Variants in PXDNL observed in about 807,000 individuals in gnomAD.
PXDNL encodes the protein probable oxidoreductase PXDNL.
In PXDNL, 145 loss-of-function variants were observed where a neutral mutation model predicts 150.8. The ratio of observed to expected loss-of-function variants is 0.96; its 90% CI spans 0.84 to 1.10. PXDNL has a LOEUF of 1.10. Ranked by LOEUF, PXDNL falls within the 50% of genes least tolerant of loss-of-function variation. The pLI is 0.00. For synonymous variants in PXDNL, 757 were observed against 725.7 expected (o/e 1.04, Z -0.69); for missense variants, 2,087 against 1,873.9 (o/e 1.11, Z -2.10).
intron 3 of PXDNL, among the ~76,000 whole-genome samples, chr8:51,581,436 G>C (rs935078026): frequency 5.3e-5 from 8 of 152,036 alleles, no homozygotes; most frequent in African/African-American, 1.9e-4. Flanking sequence ...TTGCAGTGCA[G>C]TGAGCTGAGA....
Position 51,411,398 on chromosome 8 carries a change from G to A in PXDNL, c.1914C>T (p.His638=), listed in dbSNP as rs369561216. 25 of 1,571,252 alleles carry A rather than the reference G, an allele frequency of 1.6e-5. No homozygotes were observed. Among genetic ancestry groups the A allele is most frequent in the Non-Finnish European group, 1.9e-5 (22 of 1,165,268 alleles). The change falls in exon 16 of 23, where the codon CAC becomes CAT. Residue 638 remains histidine (H), a synonymous_variant. Transcript: ENST00000356297. The part of the protein sequence containing the change: ...TRRHLFSQKP[H]TSSDLLAQFH... The stretch of plus-strand genomic sequence containing the variant: ...ATTGAGCCAGCAGGTCACTGGAGGT[G>A]TGAGGTTTTCTGCAAATGACAAAAC...
chr8:51,414,876 T>C (rs1409011580), intron 14 of PXDNL, among the ~76,000 whole-genome samples: 3 of 152,170 alleles, frequency 2.0e-5, no homozygotes, highest in African/African-American at 7.2e-5. Context: ...TCAAAATCAC[T>C]TGTAACCTCA....
intron 1 of PXDNL, among the ~76,000 whole-genome samples, chr8:51,691,555 C>G (rs544198523): frequency 2.1e-3 from 313 of 150,812 alleles, no homozygotes; most frequent in Non-Finnish European, 3.8e-3. Context: ...GTAAGTTTGA[C>G]TTAAGAAAGT....
chr8:51,349,528 T>C (rs772714524), intron 19 of PXDNL, among the ~76,000 whole-genome samples: 2 of 152,218 alleles, frequency 1.3e-5, no homozygotes, highest in African/African-American at 2.4e-5. Context: ...CCTCACATTC[T>C]CTGAGAAGAG....
rs200318814 is a variant in PXDNL at position 51,418,028 on chromosome 8, A to G, written c.1796-4770T>C. Among the ~76,000 whole-genome samples, 7 of 152,322 alleles carry G rather than the reference A, an allele frequency of 4.6e-5. No homozygotes were observed. In the East Asian group the frequency reaches 1.3e-3, roughly 29 times the overall value. On this transcript the variant is annotated intron_variant, in intron 14 of 22. Coordinates refer to ENST00000356297, the MANE Select transcript of PXDNL (RefSeq NM_144651.5). ...ACACTACAACACCAAAAATCTGGAA[A>G]TGCTACTTACACATATTAAAATGTA... is the stretch of plus-strand genomic sequence containing the variant.
intron 4 of PXDNL, among the ~76,000 whole-genome samples, chr8:51,501,243 C>T (rs1439082952): frequency 6.6e-6 from 1 of 152,130 alleles, no homozygotes; most frequent in Non-Finnish European, 1.5e-5. Context: ...CATGAAACAA[C>T]TTTACCTTGG....
chr8:51,382,295 C>T (rs530820181), intron 17 of PXDNL, among the ~76,000 whole-genome samples: 2 of 142,360 alleles, frequency 1.4e-5, no homozygotes, highest in Admixed American at 6.8e-5. Context: ...AGGATTCTCT[C>T]CTCCAAGGTC....
intron 4 of PXDNL, among the ~76,000 whole-genome samples, chr8:51,514,433 G>A (rs898073777): frequency 6.6e-6 from 1 of 152,158 alleles, no homozygotes; most frequent in Non-Finnish European, 1.5e-5. Flanking sequence ...CCTGGATGAA[G>A]CTTTCCAAAT....
chr8:51,738,932 C>T (rs1029371732), intron 1 of PXDNL, among the ~76,000 whole-genome samples: 1 of 148,506 alleles, frequency 6.7e-6, no homozygotes, highest in African/African-American at 2.5e-5. Context: ...GAAAATAGTA[C>T]AAAAAAAAAG....
At chr8:51,529,463 G>T (rs1168945933) in intron 4 of PXDNL, among the ~76,000 whole-genome samples, 1 of 152,174 alleles carries the variant, frequency 6.6e-6, no homozygotes, top group Non-Finnish European at 1.5e-5. Context: ...GCTCTGGGAA[G>T]CCTCCCCTAG....
intron 1 of PXDNL, among the ~76,000 whole-genome samples, chr8:51,675,758 A>ACT (rs552654420): frequency 1.2e-3 from 162 of 134,060 alleles, no homozygotes; most frequent in African/African-American, 4.5e-3. Context: ...ACACCACTGC[A>ACT]CTCCAGCCTG....
At chr8:51,786,810 T>C (rs1318226458) in intron 1 of PXDNL, among the ~76,000 whole-genome samples, 1 of 152,198 alleles carries the variant, frequency 6.6e-6, no homozygotes, top group East Asian at 1.9e-4. Flanking sequence ...CAGCCTGCTA[T>C]TGGAAAACAA....
chr8:51,328,148 G>A (rs2130630265), intron 21 of PXDNL, among the ~76,000 whole-genome samples: 1 of 152,344 alleles, frequency 6.6e-6, no homozygotes, highest in Middle Eastern at 3.4e-3. Context: ...TTCTCCAGCA[G>A]ATGGCCTTCC....
At position 51,408,889 on chromosome 8, in the gene PXDNL, T is replaced by C; in HGVS notation, c.2735A>G (p.Asp912Gly). The C allele has an allele frequency of 6.2e-7, 1 of 1,605,826 alleles. No homozygotes were observed. Among genetic ancestry groups the C allele is most frequent in the Non-Finnish European group, 8.5e-7 (1 of 1,176,330 alleles). ...SSERESQALR[D>G]PSVPRGLLKT... ...CAGGAGACCCCGAGGCACCGAAGGG[T>C]CTCTGAGAGCCTGGGATTCCCGCTC... Residue 912 changes from aspartate to glycine, a missense_variant, in exon 17 of 23, where the codon GAC becomes GGC. By Grantham distance (94) the Asp-to-Gly change is moderately conservative. Transcript: ENST00000356297.
At chr8:51,327,968 T>G (rs1805567847) in intron 21 of PXDNL, among the ~76,000 whole-genome samples, 1 of 152,250 alleles carries the variant, frequency 6.6e-6, no homozygotes, top group African/African-American at 2.4e-5. Flanking sequence ...GGGAACACCC[T>G]GATGGTTAGT....
intron 1 of PXDNL, among the ~76,000 whole-genome samples, chr8:51,790,313 G>T (rs1252433457): frequency 6.6e-6 from 1 of 152,084 alleles, no homozygotes; most frequent in African/African-American, 2.4e-5. Context: ...CATTCAAATG[G>T]CAAGTGTGGG....
intron 2 of PXDNL, among the ~76,000 whole-genome samples, chr8:51,633,005 A>G (rs1040787977): frequency 6.6e-6 from 1 of 152,092 alleles, no homozygotes; most frequent in Non-Finnish European, 1.5e-5. Flanking sequence ...ACAGATAGTG[A>G]TCGCATTACA....
At chr8:51,577,448 A>G (rs1813079597) in intron 3 of PXDNL, among the ~76,000 whole-genome samples, 1 of 150,866 alleles carries the variant, frequency 6.6e-6, no homozygotes, top group African/African-American at 2.4e-5. Context: ...GGTGGATTTT[A>G]TTTATTACTT....
At chr8:51,780,506 A>T (rs750569640) in intron 1 of PXDNL, among the ~76,000 whole-genome samples, 2 of 149,484 alleles carry the variant, frequency 1.3e-5, no homozygotes, top group Non-Finnish European at 3.0e-5. Context: ...AAACTCATGG[A>T]TGGGGAGTTT....
Sources: allele counts gnomAD v4.1 joint callset (sites outside exome capture counted in the v4.1 genomes callset), GRCh38; gene constraint gnomAD v4.1.1; transcripts MANE v1.5; gene names NCBI Gene and HGNC (gene_info 2026-07-23, HGNC 2026-07-21).